Variants in ESRRB observed in about 807,000 individuals in gnomAD.
ESRRB encodes the protein estrogen related receptor beta.
Under a neutral mutation model 46.0 loss-of-function variants are expected in ESRRB, and 16 were observed. That is an observed-to-expected ratio of 0.35 (90% CI 0.24 to 0.53). The LOEUF is 0.53. ESRRB is among the 20% of genes least tolerant of loss of function. The probability of loss-of-function intolerance (pLI) is 0.93; values close to 1 mark genes in which losing one functional copy is unlikely to be tolerated. For synonymous variants in ESRRB, 246 were observed against 259.6 expected (o/e 0.95, Z 0.50); for missense variants, 488 against 607.4 (o/e 0.80, Z 2.07).
intron 1 of ESRRB, among the ~76,000 whole-genome samples, chr14:76,418,226 A>C (rs1886793732): frequency 6.6e-6 from 1 of 152,152 alleles, no homozygotes; most frequent in Non-Finnish European, 1.5e-5. Context: ...AAGTGCTGAG[A>C]TTACAGGCGT....
chr14:76,488,996 C>T (rs1415513600), intron 5 of ESRRB, among the ~76,000 whole-genome samples: 2 of 152,166 alleles, frequency 1.3e-5, no homozygotes, highest in African/African-American at 4.8e-5. Context: ...AGGCCTGGCA[C>T]TTAGTAGGTG....
At chr14:76,394,888 A>T (rs938633882) in intron 1 of ESRRB, among the ~76,000 whole-genome samples, 1 of 152,228 alleles carries the variant, frequency 6.6e-6, no homozygotes, top group Non-Finnish European at 1.5e-5. Context: ...ACGGACTGAC[A>T]TGAACCATTC....
At chr14:76,422,875 G>A (rs190818680) in intron 1 of ESRRB, among the ~76,000 whole-genome samples, 113 of 152,334 alleles carry the variant, frequency 7.4e-4, no homozygotes, top group African/African-American at 2.5e-3. Flanking sequence ...AGGGCAGGGG[G>A]CCGTGAAACA....
Position 76,466,612 on chromosome 14 carries a change from A to AAG in ESRRB, c.577+3951_577+3952insAG, listed in dbSNP as rs1385647441. Among the ~76,000 whole-genome samples, 11 of 152,334 alleles carry AAG rather than the reference A, an allele frequency of 7.2e-5. No individual in the cohort carries two copies. In the East Asian group the frequency reaches 2.1e-3, roughly 29 times the overall value. On this transcript the variant is annotated intron_variant, in intron 3 of 6. Coordinates refer to ENST00000644823, the MANE Select transcript of ESRRB (RefSeq NM_001379180.1). The stretch of plus-strand genomic sequence containing the variant: ...CTAGTACATAAAAATCTGTATTTTC[A>AAG]GAGAAAAGGTAATTTTTCTCTTTTA...
At position 76,475,840 on chromosome 14, in the gene ESRRB, G is replaced by A. The variant is rs533719983; in HGVS notation, c.578-6176G>A. On this transcript the variant is annotated intron_variant, in intron 3 of 6. Transcript: ENST00000644823. ...GTTACACCATTTTACTTTTCCAGCA[G>A]CATTGTTTTTTAAGTTTTTAATTAA... 1.2e-4 allele frequency among the ~76,000 whole-genome samples: 18 copies of A among 152,262 alleles called. No individual in the cohort carries two copies. In the South Asian group the frequency reaches 3.5e-3, roughly 30 times the overall value.
At chr14:76,317,695 A>G (rs1215235839) in intron 1 of ESRRB, among the ~76,000 whole-genome samples, 1 of 152,194 alleles carries the variant, frequency 6.6e-6, no homozygotes, top group Non-Finnish European at 1.5e-5. Flanking sequence ...CTGTGGAAGG[A>G]GGCGGGTACC....
intron 1 of ESRRB, among the ~76,000 whole-genome samples, chr14:76,399,375 A>G (rs148143350): frequency 6.6e-6 from 1 of 151,972 alleles, no homozygotes; most frequent in East Asian, 1.9e-4. Flanking sequence ...GAGAATCCCA[A>G]CTCCCTGAAT....
At chr14:76,458,787 G>A (rs56245904) in intron 2 of ESRRB, among the ~76,000 whole-genome samples, 40,204 of 151,098 alleles carry the variant, frequency 0.27, 5,581 homozygotes, top group Middle Eastern at 0.32. Context: ...TGGAGCTGAC[G>A]GGCTGGGTCC....
In ESRRB at chr14:76,500,846, T is replaced by G; in HGVS notation, c.*2388T>G. On this transcript the variant is annotated 3_prime_UTR_variant, in exon 7 of 7. Coordinates refer to ENST00000644823, the MANE Select transcript of ESRRB (RefSeq NM_001379180.1). ...AGAGTGGGGCGGAAGTCCTGATGGTTGGTGTCCATGAGGTGGAAGCTGCTT... is the reference window on the plus strand; with the variant it reads ...AGAGTGGGGCGGAAGTCCTGATGGTGGGTGTCCATGAGGTGGAAGCTGCTT... 6 of 1,024,050 alleles carry G rather than the reference T, an allele frequency of 5.9e-6. No homozygotes were observed. The highest frequency in any genetic ancestry group is 9.3e-6 in the Non-Finnish European group (6 of 644,904). 63.4% of individuals were successfully genotyped at this position (1,024,050 alleles called of 1,614,324 possible).
chr14:76,447,143 A>C (rs1296738380), intron 2 of ESRRB, among the ~76,000 whole-genome samples: 1 of 152,058 alleles, frequency 6.6e-6, no homozygotes, highest in East Asian at 1.9e-4. Context: ...CCCCAGGCTC[A>C]GCTCTTCTCT....
chr14:76,397,424 C>G (rs566519589), intron 1 of ESRRB, among the ~76,000 whole-genome samples: 1 of 152,342 alleles, frequency 6.6e-6, no homozygotes, highest in South Asian at 2.1e-4. Context: ...ATGCTACCCA[C>G]GCAAAACAGC....
upstream of ESRRB, chr14:76,371,695 CAGTT>C (rs1884629682): frequency 6.6e-6 from 1 of 152,238 alleles, no homozygotes; most frequent in Non-Finnish European, 1.5e-5. Context: ...CATAAACAAA[CAGTT>C]AGCATTCCTA....
chr14:76,449,896 C>G (rs987866566), intron 2 of ESRRB, among the ~76,000 whole-genome samples: 3 of 151,630 alleles, frequency 2.0e-5, no homozygotes, highest in African/African-American at 7.3e-5. Context: ...GCTGGAATTA[C>G]AGGCATGCAC....
intron 1 of ESRRB, among the ~76,000 whole-genome samples, chr14:76,324,321 C>G (rs1304953364): frequency 6.6e-6 from 1 of 152,152 alleles, no homozygotes; most frequent in African/African-American, 2.4e-5. Flanking sequence ...AGGGAGTAGA[C>G]TCCTAGGCCC....
intron 2 of ESRRB, among the ~76,000 whole-genome samples, chr14:76,460,148 C>T (rs1888791000): frequency 6.6e-6 from 1 of 152,188 alleles, no homozygotes; most frequent in Non-Finnish European, 1.5e-5. Flanking sequence ...AAAAGGTTTC[C>T]ATCCATATCC....
chr14:76,321,909 T>C (rs1883872485), intron 1 of ESRRB, among the ~76,000 whole-genome samples: 1 of 151,984 alleles, frequency 6.6e-6, no homozygotes, highest in African/African-American at 2.4e-5. Context: ...AATATATTCT[T>C]CCCATTATAC....
chr14:76,319,690 T>G (rs1043094989), intron 1 of ESRRB, among the ~76,000 whole-genome samples: 1 of 152,168 alleles, frequency 6.6e-6, no homozygotes, highest in Non-Finnish European at 1.5e-5. Context: ...ACAAGATGGA[T>G]ATGAGTCCCC....
chr14:76,403,542 C>T (rs376239388), intron 1 of ESRRB, among the ~76,000 whole-genome samples: 8 of 152,078 alleles, frequency 5.3e-5, no homozygotes, highest in African/African-American at 1.2e-4. Context: ...GTGGTCATGT[C>T]GAAGAGGGAA....
At chr14:76,406,143 A>G (rs1886175109) in intron 1 of ESRRB, among the ~76,000 whole-genome samples, 1 of 152,210 alleles carries the variant, frequency 6.6e-6, no homozygotes, top group Non-Finnish European at 1.5e-5. Context: ...CTCAAAGGCC[A>G]GAAGCTCTGT....
Sources: allele counts gnomAD v4.1 joint callset (sites outside exome capture counted in the v4.1 genomes callset), GRCh38; gene constraint gnomAD v4.1.1; transcripts MANE v1.5; gene names NCBI Gene and HGNC (gene_info 2026-07-23, HGNC 2026-07-21).